Variants in CADM2 observed in about 807,000 individuals in gnomAD.
CADM2 encodes immunoglobulin superfamily member 4D.
CADM2 carries 12 observed loss-of-function variants against 49.8 expected under a neutral mutation model. The ratio of observed to expected loss-of-function variants is 0.24; its 90% confidence interval spans 0.15 to 0.39. The LOEUF is 0.39. Among genes scored for constraint, CADM2 ranks in the 10% least tolerant of loss-of-function variants. The pLI is 1.00. For synonymous variants in CADM2, 214 were observed against 175.4 expected (o/e 1.22, Z -1.74); for missense variants, 378 against 492.3 (o/e 0.77, Z 2.20).
chr3:85,544,159 ATG>A (rs2061610556), intron 1 of CADM2, among the ~76,000 whole-genome samples: 1 of 152,198 alleles, frequency 6.6e-6, no homozygotes. Flanking sequence ...TTGAGAGAGG[ATG>A]TGTTTCTGGT....
chr3:85,648,105 G>A (rs1010864621), intron 1 of CADM2, among the ~76,000 whole-genome samples: 1 of 151,814 alleles, frequency 6.6e-6, no homozygotes, highest in Non-Finnish European at 1.5e-5. Flanking sequence ...CCATGTTTCT[G>A]TGGTGTAATT....
At chr3:85,725,462 T>C (rs2067662446) in intron 1 of CADM2, among the ~76,000 whole-genome samples, 1 of 151,996 alleles carries the variant, frequency 6.6e-6, no homozygotes, top group African/African-American at 2.4e-5. Flanking sequence ...AATTAGGAGA[T>C]GGACTATTTC....
At chr3:85,455,610 C>T (rs905578865) in intron 1 of CADM2, among the ~76,000 whole-genome samples, 6 of 152,182 alleles carry the variant, frequency 3.9e-5, no homozygotes, top group Non-Finnish European at 7.4e-5. Context: ...TTGTCTGTGG[C>T]ATATGGATGC....
At chr3:84,978,174 AT>A (rs2031949108) in intron 1 of CADM2, among the ~76,000 whole-genome samples, 1 of 152,122 alleles carries the variant, frequency 6.6e-6, no homozygotes, top group African/African-American at 2.4e-5. Flanking sequence ...TTGTGTCACT[AT>A]CAGGAATTAT....
At chr3:85,807,796 G>GTCATATGT (rs1225153055) in intron 3 of CADM2, among the ~76,000 whole-genome samples, 94 of 152,164 alleles carry the variant, frequency 6.2e-4, no homozygotes, top group Admixed American at 1.4e-3. Flanking sequence ...AATATACCTT[G>GTCATATGT]TCCAGTTCCA....
chr3:85,499,721 C>T (rs2040040065), intron 1 of CADM2, among the ~76,000 whole-genome samples: 1 of 151,716 alleles, frequency 6.6e-6, no homozygotes, highest in Non-Finnish European at 1.5e-5. Flanking sequence ...ATTTTCTTTC[C>T]TAATGTTATG....
chr3:86,062,919 G>A (rs1298329873), intron 8 of CADM2, among the ~76,000 whole-genome samples: 2 of 151,850 alleles, frequency 1.3e-5, no homozygotes, highest in East Asian at 3.9e-4. Context: ...ACATGTGTGA[G>A]GTATTTTTAT....
intron 2 of CADM2, among the ~76,000 whole-genome samples, chr3:85,754,818 A>C (rs182463689): frequency 1.5e-4 from 23 of 152,346 alleles, no homozygotes; most frequent in Middle Eastern, 3.4e-3. Context: ...TTTTAACAAA[A>C]AAACAAACAA....
intron 8 of CADM2, among the ~76,000 whole-genome samples, chr3:86,003,138 T>C (rs577339131): frequency 2.6e-5 from 4 of 152,280 alleles, no homozygotes; most frequent in African/African-American, 9.6e-5. Flanking sequence ...ATAAAGATGA[T>C]GCTTTACTCT....
intron 1 of CADM2, among the ~76,000 whole-genome samples, chr3:85,561,756 T>G (rs200310249): frequency 0.2 from 30,451 of 152,064 alleles, 3,822 homozygotes; most frequent in East Asian, 0.3. Context: ...TACCTTTTTT[T>G]TAGGCAAGTG....
intron 1 of CADM2, among the ~76,000 whole-genome samples, chr3:84,970,381 A>C (rs2031339624): frequency 6.6e-6 from 1 of 151,424 alleles, no homozygotes; most frequent in Non-Finnish European, 1.5e-5. Flanking sequence ...GGGAGAAAAG[A>C]CTCTACAATT....
intron 1 of CADM2, among the ~76,000 whole-genome samples, chr3:85,565,810 A>G (rs1285880400): frequency 6.6e-6 from 1 of 152,084 alleles, no homozygotes; most frequent in Non-Finnish European, 1.5e-5. Flanking sequence ...ATTAAATGTT[A>G]ACTTTTAAAA....
intron 1 of CADM2, among the ~76,000 whole-genome samples, chr3:85,149,108 T>A (rs573299116): frequency 3.9e-4 from 59 of 152,180 alleles, no homozygotes; most frequent in East Asian, 1.2e-3. Flanking sequence ...GCTTTTTTTT[T>A]TAAAAAAATC....
In CADM2 at chr3:85,364,032, G is replaced by C. The variant is rs868735401; in HGVS notation, c.62-362490G>C. 8.5e-5 allele frequency among the ~76,000 whole-genome samples: 13 copies of C among 152,276 alleles called. 1 individual carries two copies. The Middle Eastern group carries it at 0.017, about 199-fold the overall frequency. ...TAATATGTAACAACAGGTAATGCTAGAAAATGTTAAAACTGTTTTGGGGCC... is the reference window on the plus strand; with the variant it reads ...TAATATGTAACAACAGGTAATGCTACAAAATGTTAAAACTGTTTTGGGGCC... On this transcript the variant is annotated intron_variant, in intron 1 of 9. Transcript: ENST00000383699.
chr3:85,214,100 G>T (rs949439157), intron 1 of CADM2, among the ~76,000 whole-genome samples: 2 of 151,982 alleles, frequency 1.3e-5, no homozygotes, highest in African/African-American at 4.8e-5. Flanking sequence ...AAGGGACTCA[G>T]GTGTTGTGAT....
In CADM2 at chr3:85,917,841, A is replaced by C. The variant is rs540727671; in HGVS notation, c.700+5298A>C. Among the ~76,000 whole-genome samples, 7 of 152,046 alleles carry C rather than the reference A, an allele frequency of 4.6e-5. No individual in the cohort carries two copies. The East Asian group carries it at 7.7e-4, about 17-fold the overall frequency. On this transcript the variant is annotated intron_variant, in intron 6 of 9. Coordinates refer to ENST00000383699, the MANE Select transcript of CADM2 (RefSeq NM_001167675.2). ...CATTTGTTTGTGTCCTCTTTTATTTAGTTGAGCACTGGTTTGTAGTTCTCC... is the reference window on the plus strand; with the variant it reads ...CATTTGTTTGTGTCCTCTTTTATTTCGTTGAGCACTGGTTTGTAGTTCTCC...
intron 1 of CADM2, among the ~76,000 whole-genome samples, chr3:85,009,291 A>T (rs1027782852): frequency 6.6e-6 from 1 of 152,228 alleles, no homozygotes; most frequent in African/African-American, 2.4e-5. Flanking sequence ...TATAAAAGTT[A>T]TCAGAGTGAT....
chr3:85,000,625 A>G (rs2033414928), intron 1 of CADM2, among the ~76,000 whole-genome samples: 1 of 152,098 alleles, frequency 6.6e-6, no homozygotes. Context: ...CCCATGATTG[A>G]ATGCAACTCT....
chr3:85,153,808 G>A (rs1223973190), intron 1 of CADM2, among the ~76,000 whole-genome samples: 1 of 152,162 alleles, frequency 6.6e-6, no homozygotes, highest in Non-Finnish European at 1.5e-5. Context: ...CTAACTGGGA[G>A]GCACCCCCCA....
Sources: allele counts gnomAD v4.1 joint callset (sites outside exome capture counted in the v4.1 genomes callset), GRCh38; gene constraint gnomAD v4.1.1; transcripts MANE v1.5; gene names NCBI Gene and HGNC (gene_info 2026-07-23, HGNC 2026-07-21).